ARSB: variants seen among roughly 807,000 people sequenced by gnomAD.
The protein encoded by ARSB is arylsulfatase B, also known as N-acetylgalactosamine-4-sulfatase.
In ARSB, 41 loss-of-function variants were observed where a neutral mutation model predicts 50.9. The observed-to-expected ratio is 0.81, with a 90% confidence interval of 0.63 to 1.04. The LOEUF is 1.04. Ranked by LOEUF, ARSB falls within the 50% of genes least tolerant of loss-of-function variation. The probability of loss-of-function intolerance (pLI) is 0.00; values close to 1 mark genes in which losing one functional copy is unlikely to be tolerated. For synonymous variants in ARSB, 269 were observed against 284.8 expected (o/e 0.94, Z 0.56); for missense variants, 672 against 693.3 (o/e 0.97, Z 0.35).
chr5:78,854,606 G>T (rs1176461593), intron 5 of ARSB, among the ~76,000 whole-genome samples: 4 of 151,728 alleles, frequency 2.6e-5, no homozygotes, highest in Non-Finnish European at 5.9e-5. Context: ...GCAGTTTGGT[G>T]GTTTTCTGCA....
intron 6 of ARSB, among the ~76,000 whole-genome samples, chr5:78,807,549 C>T (rs767742631): frequency 1.3e-5 from 2 of 152,148 alleles, no homozygotes; most frequent in Non-Finnish European, 2.9e-5. Context: ...ATATGCTGCT[C>T]CCCACCCCTT....
chr5:78,820,075 C>G (rs895047394), intron 6 of ARSB, among the ~76,000 whole-genome samples: 1 of 152,164 alleles, frequency 6.6e-6, no homozygotes, highest in Non-Finnish European at 1.5e-5. Context: ...TCCCTTTTCC[C>G]CTTTTGTCCC....
At chr5:78,859,198 A>G (rs1481352320) in intron 5 of ARSB, among the ~76,000 whole-genome samples, 3 of 152,214 alleles carry the variant, frequency 2.0e-5, no homozygotes, top group Non-Finnish European at 4.4e-5. Flanking sequence ...TTAAGAGTAT[A>G]GGCACGGAAA....
intron 5 of ARSB, among the ~76,000 whole-genome samples, chr5:78,865,122 A>G (rs1018847599): frequency 6.6e-6 from 1 of 152,208 alleles, no homozygotes; most frequent in Non-Finnish European, 1.5e-5. Context: ...GACTCCGTAT[A>G]GGGGTTCTGG....
chr5:78,905,753 C>T (rs1268185959), intron 4 of ARSB, among the ~76,000 whole-genome samples: 1 of 151,932 alleles, frequency 6.6e-6, no homozygotes, highest in Non-Finnish European at 1.5e-5. Flanking sequence ...TCCAGTTCTT[C>T]TCTCCCTTTA....
intron 5 of ARSB, among the ~76,000 whole-genome samples, chr5:78,875,053 C>A (rs1747422115): frequency 6.6e-6 from 1 of 152,176 alleles, no homozygotes; most frequent in South Asian, 2.1e-4. Context: ...GCAGAAGTTG[C>A]AGTGAGCTAT....
chr5:78,957,147 A>G (rs961943509), intron 3 of ARSB, among the ~76,000 whole-genome samples: 3 of 145,214 alleles, frequency 2.1e-5, no homozygotes, highest in Non-Finnish European at 3.0e-5. Flanking sequence ...ATAGTGCTAC[A>G]GAATTCTTTA....
At chr5:78,846,629 T>A (rs1745457325) in intron 5 of ARSB, among the ~76,000 whole-genome samples, 1 of 152,226 alleles carries the variant, frequency 6.6e-6, no homozygotes, top group Non-Finnish European at 1.5e-5. Flanking sequence ...AATTTGTTTA[T>A]CAGTTGTAAG....
intron 4 of ARSB, among the ~76,000 whole-genome samples, chr5:78,902,630 T>C (rs558978901): frequency 6.6e-6 from 1 of 152,326 alleles, no homozygotes; most frequent in South Asian, 2.1e-4. Context: ...TGGATGAACA[T>C]CTAAAACATT....
chr5:78,781,481 C>G (rs143984928), intron 7 of ARSB, among the ~76,000 whole-genome samples: 3 of 152,098 alleles, frequency 2.0e-5, no homozygotes, highest in African/African-American at 7.2e-5. Flanking sequence ...TTACTTGCAC[C>G]ATGACAATGA....
chr5:78,940,378 T>C (rs1417686366), intron 4 of ARSB, among the ~76,000 whole-genome samples: 3 of 152,160 alleles, frequency 2.0e-5, no homozygotes, highest in Admixed American at 6.6e-5. Context: ...CTGAATGGTA[T>C]TGCCTACGTT....
intron 6 of ARSB, among the ~76,000 whole-genome samples, chr5:78,811,713 A>T (rs1310202523): frequency 1.3e-5 from 2 of 152,212 alleles, no homozygotes; most frequent in Admixed American, 6.5e-5. Flanking sequence ...AGCAAAACAG[A>T]TGTGTGAGAG....
At chr5:78,788,584 T>C (rs914538443) in intron 6 of ARSB, among the ~76,000 whole-genome samples, 1 of 152,140 alleles carries the variant, frequency 6.6e-6, no homozygotes, top group Non-Finnish European at 1.5e-5. Context: ...CTTCTCTACA[T>C]TTTTTTAATT....
intron 5 of ARSB, among the ~76,000 whole-genome samples, chr5:78,864,145 G>C (rs1183800017): frequency 1.3e-5 from 2 of 152,024 alleles, no homozygotes; most frequent in Non-Finnish European, 2.9e-5. Context: ...AGTCAGGCTA[G>C]AATTATGCAA....
chr5:78,794,402 T>C (rs1743102134), intron 6 of ARSB, among the ~76,000 whole-genome samples: 1 of 152,154 alleles, frequency 6.6e-6, no homozygotes, highest in Non-Finnish European at 1.5e-5. Flanking sequence ...CCAGTGTTTA[T>C]TGAGGCCAGT....
intron 5 of ARSB, among the ~76,000 whole-genome samples, chr5:78,857,469 C>A (rs1200178889): frequency 1.3e-5 from 2 of 152,136 alleles, no homozygotes; most frequent in Non-Finnish European, 2.9e-5. Context: ...AAATAAAAAT[C>A]TCTAAATAAT....
intron 5 of ARSB, chr5:78,883,906 T>A (rs1747880314): frequency 6.6e-6 from 1 of 152,140 alleles, no homozygotes; most frequent in African/African-American, 2.4e-5. Context: ...TAATTATTAA[T>A]TACAGAAAAA....
At chr5:78,820,902 C>T (rs1744189147) in intron 6 of ARSB, among the ~76,000 whole-genome samples, 4 of 151,680 alleles carry the variant, frequency 2.6e-5, no homozygotes, top group Admixed American at 2.6e-4. Context: ...CTGGAAAGAT[C>T]TCCAAGACAG....
chr5:78,932,538 T>C (rs997420485), intron 4 of ARSB, among the ~76,000 whole-genome samples: 1 of 152,246 alleles, frequency 6.6e-6, no homozygotes, highest in Non-Finnish European at 1.5e-5. Flanking sequence ...GCTCCCATAC[T>C]CTAAGCTGAC....
Sources: allele counts gnomAD v4.1 joint callset (sites outside exome capture counted in the v4.1 genomes callset), GRCh38; gene constraint gnomAD v4.1.1; transcripts MANE v1.5; gene names NCBI Gene and HGNC (gene_info 2026-07-23, HGNC 2026-07-21).